The following ESF1 variants were observed in gnomAD, a reference collection of about 807,000 sequenced individuals.
ESF1 encodes the protein ESF1 homolog.
In ESF1, 58 loss-of-function variants were observed where a neutral mutation model predicts 92.0. That is an observed-to-expected ratio of 0.63 (90% confidence interval 0.51 to 0.78). ESF1 has a LOEUF of 0.78. Among genes scored for constraint, ESF1 ranks in the 30% least tolerant of loss-of-function variants. The probability of loss-of-function intolerance (pLI) is 0.00; values close to 1 mark genes in which losing one functional copy is unlikely to be tolerated. For synonymous variants in ESF1, 321 were observed against 313.7 expected (o/e 1.02, Z -0.24); for missense variants, 922 against 989.1 (o/e 0.93, Z 0.91).
chr20:13,769,983 T>C lies in ESF1; in HGVS notation c.1442A>G (p.Lys481Arg). Residue 481 changes from lysine to arginine, a missense_variant, in exon 7 of 14, where the codon AAG becomes AGG. Coordinates refer to ENST00000617257, the MANE Select transcript of ESF1 (RefSeq NM_001276380.2). ...TAAATTCACTTCTGAGGCTACATCCTTAGGCTCATCATCAAAAGTAATATC... is the reference window on the plus strand; with the variant it reads ...TAAATTCACTTCTGAGGCTACATCCCTAGGCTCATCATCAAAAGTAATATC... ...PDDITFDDEP[K>R]DVASEVNLTA... 1 of 1,610,794 alleles carries C rather than the reference T, an allele frequency of 6.2e-7. No homozygotes were observed. The highest frequency in any genetic ancestry group is 1.3e-5 in the African/African-American group (1 of 74,920).
At chr20:13,755,408 G>A (rs915442334) in intron 9 of ESF1, among the ~76,000 whole-genome samples, 4 of 152,028 alleles carry the variant, frequency 2.6e-5, no homozygotes, top group Non-Finnish European at 4.4e-5. Context: ...AGATTAACTG[G>A]ACTATTAATA....
In ESF1 at chr20:13,780,418, T is replaced by C. The variant is rs1009375376; in HGVS notation, c.637+2086A>G. On this transcript the variant is annotated intron_variant, in intron 2 of 13. Transcript: ENST00000617257. ...AACTTTGCTGCCGGTCCCACTCCAA[T>C]CTTATTCTTCAATTTTAGTAACCGG... 3.3e-5 allele frequency among the ~76,000 whole-genome samples: 5 copies of C among 152,310 alleles called. No homozygotes were observed. In the East Asian group the frequency reaches 9.6e-4, roughly 29 times the overall value.
At chr20:13,733,557 A>T (rs2049957207) in intron 10 of ESF1, among the ~76,000 whole-genome samples, 164 bp downstream of exon 10, 2 of 152,192 alleles carry the variant, frequency 1.3e-5, no homozygotes, top group African/African-American at 4.8e-5. Context: ...GCCATGATGA[A>T]AAAACTTTCT....
chr20:13,766,815 G>C lies in ESF1; in HGVS notation c.1628C>G (p.Ser543Cys). ...DMDFQAYLASSSEDEEEIEEE... is the reference protein window; with the variant it reads ...DMDFQAYLASCSEDEEEIEEE... ...TTCTATCTCCTCTTCATCTTCACTA[G>C]AGGAAGCTAAGTAGGCTTGAAAATC... Residue 543 changes from serine (S) to cysteine (C), a missense_variant, in exon 8 of 14, where the codon TCT becomes TGT. By Grantham distance (112) the Ser-to-Cys change is moderately radical. Coordinates refer to ENST00000617257, the MANE Select transcript of ESF1 (RefSeq NM_001276380.2). 2 of 1,613,786 alleles carry C rather than the reference G, an allele frequency of 1.2e-6. No homozygotes were observed. Among genetic ancestry groups the C allele is most frequent in the Non-Finnish European group, 1.7e-6 (2 of 1,179,878 alleles).
At chr20:13,735,206 C>T (rs2147735069) in intron 9 of ESF1, among the ~76,000 whole-genome samples, 2 of 152,174 alleles carry the variant, frequency 1.3e-5, no homozygotes, top group East Asian at 3.9e-4. Context: ...CTTCAACCAA[C>T]AGTTTGAAAC....
In ESF1 at chr20:13,717,361, T is replaced by C. The variant is rs935888557; in HGVS notation, c.2262+7A>G. ...TTTAAGAGGCTATGCCTGGTGTCTA[T>C]GGTTACCTCAAAGTCATCCTCTATT... On this transcript the variant is annotated splice_region_variant and intron_variant, in intron 13 of 13. Coordinates refer to ENST00000617257, the MANE Select transcript of ESF1 (RefSeq NM_001276380.2). 5.0e-6 allele frequency: 8 copies of C among 1,613,626 alleles called. No individual in the cohort carries two copies. The highest frequency in any genetic ancestry group is 2.2e-5 in the South Asian group (2 of 91,036).
At chr20:13,718,413 TA>T (rs1248301603) in intron 12 of ESF1, among the ~76,000 whole-genome samples, 2 of 152,180 alleles carry the variant, frequency 1.3e-5, no homozygotes, top group Non-Finnish European at 2.9e-5. Context: ...ACTCTGGACA[TA>T]GGGGGTCACT....
Position 13,715,174 on chromosome 20 carries a change from ATCC to A in ESF1, c.2263-10_2263-8del. On this transcript the variant is annotated splice_polypyrimidine_tract_variant and splice_region_variant and intron_variant, in intron 13 of 13. Coordinates refer to ENST00000617257, the MANE Select transcript of ESF1 (RefSeq NM_001276380.2). ...GTGCATCGTTAACATTTACCTGCAA[ATCC>A]AAAAAAAAAAAAAATTAATAAATTA... The A allele has an allele frequency of 1.4e-6, 2 of 1,463,278 alleles. No individual in the cohort carries two copies. The highest frequency in any genetic ancestry group is 1.4e-5 in the African/African-American group (1 of 69,980). The allele number at this position is 1,463,278 out of a possible 1,614,324, so 90.6% of individuals were successfully genotyped here.
chr20:13,770,983 T>G (rs1979656963), intron 6 of ESF1, among the ~76,000 whole-genome samples: 2 of 152,202 alleles, frequency 1.3e-5, no homozygotes, highest in African/African-American at 4.8e-5. Flanking sequence ...ACAATCTGTT[T>G]TCAAATTCCT....
At chr20:13,756,519 A>G (rs1266034398) in intron 9 of ESF1, among the ~76,000 whole-genome samples, 3 of 152,214 alleles carry the variant, frequency 2.0e-5, no homozygotes, top group African/African-American at 7.2e-5. Context: ...CAAGACACAA[A>G]AAGTATTCAT....
At chr20:13,748,592 A>ATTTTTTTTTT (rs58809594) in intron 9 of ESF1, among the ~76,000 whole-genome samples, 1 of 95,740 alleles carries the variant, frequency 1.0e-5, no homozygotes, top group Non-Finnish European at 1.8e-5. Flanking sequence ...ATATATATAT[A>ATTTTTTTTTT]TTTTTTTTTT....
intron 5 of ESF1, 43 bp downstream of exon 5, chr20:13,772,472 G>T: frequency 7.2e-7 from 1 of 1,389,812 alleles, no homozygotes; most frequent in Non-Finnish European, 1.0e-6. Flanking sequence ...CTAATGACAT[G>T]AATTTATGAG....
Position 13,782,849 on chromosome 20 carries a change from T to G in ESF1, c.292A>C (p.Lys98Gln). ...TCGATTTCTTTTTTAGTCTGGGTTTTTTTCTTCTTTATTTTCTTTTGACTC... is the reference window on the plus strand; with the variant it reads ...TCGATTTCTTTTTTAGTCTGGGTTTGTTTCTTCTTTATTTTCTTTTGACTC... ...ALSQKKIKKK[K>Q]TQTKKEIDSK... The change falls in exon 2 of 14, where the codon AAA becomes CAA. Residue 98 changes from lysine (K) to glutamine (Q), a missense_variant. Lys to Gln is a moderately conservative substitution (Grantham distance 53). Transcript: ENST00000617257. The G allele has an allele frequency of 6.2e-7, 1 of 1,603,276 alleles. No individual in the cohort carries two copies. The highest frequency in any genetic ancestry group is 1.3e-5 in the African/African-American group (1 of 74,156).
chr20:13,733,783 T>C lies in ESF1; in HGVS notation c.1888A>G (p.Thr630Ala). 1 of 1,613,214 alleles carries C rather than the reference T, an allele frequency of 6.2e-7. No individual in the cohort carries two copies. Among genetic ancestry groups the C allele is most frequent in the Non-Finnish European group, 8.5e-7 (1 of 1,179,858 alleles). Residue 630 changes from threonine (T) to alanine (A), a missense_variant, in exon 10 of 14, where the codon ACC (threonine) becomes GCC (alanine). Thr to Ala is a moderately conservative substitution (Grantham distance 58). Coordinates refer to ENST00000617257, the MANE Select transcript of ESF1 (RefSeq NM_001276380.2). Reference protein sequence around the residue: ...KNKLEGKDKLTPWEQFLEKKK... With the variant: ...KNKLEGKDKLAPWEQFLEKKK... ...TTCTCTAAAAATTGTTCCCAAGGGGTCAGTTTATCCTTTCCTTCCAATTTG... is the reference window on the plus strand; with the variant it reads ...TTCTCTAAAAATTGTTCCCAAGGGGCCAGTTTATCCTTTCCTTCCAATTTG...
chr20:13,784,823 C>T (rs1980597650), intron 1 of ESF1, 57 bp downstream of exon 1: 1 of 567,502 alleles, frequency 1.8e-6, no homozygotes. Flanking sequence ...GCCACACACA[C>T]ACACGCCCTC....
chr20:13,769,787 AG>A, intron 7 of ESF1, 119 bp downstream of exon 7: 2 of 742,476 alleles, frequency 2.7e-6, no homozygotes, highest in Admixed American at 2.7e-5. Context: ...CTCTGTCTCA[AG>A]AAAAAATAAT....
intron 7 of ESF1, among the ~76,000 whole-genome samples, chr20:13,768,901 AAAAAAAAAAAAAG>A (rs1979554567): frequency 6.6e-6 from 1 of 151,002 alleles, no homozygotes; most frequent in Non-Finnish European, 1.5e-5. Context: ...TAGTCTCAAA[AAAAAAAAAAAAAG>A]AAAGAAAGGA....
chr20:13,771,669 T>C (rs1979689109), intron 5 of ESF1, among the ~76,000 whole-genome samples, 186 bp from the exon 6 acceptor site: 2 of 152,156 alleles, frequency 1.3e-5, no homozygotes, highest in Admixed American at 1.3e-4. Context: ...TCTCACAAGG[T>C]ACAGATATTT....
At chr20:13,774,308 G>A (rs895978524) in intron 4 of ESF1, among the ~76,000 whole-genome samples, 3 of 152,096 alleles carry the variant, frequency 2.0e-5, no homozygotes, top group Non-Finnish European at 2.9e-5. Flanking sequence ...GACTGTCAAC[G>A]TGAGGTTCAA....
Sources: gnomAD v4.1 joint callset for allele counts (sites outside exome capture counted in the v4.1 genomes callset) on GRCh38, gnomAD v4.1.1 for gene constraint, MANE v1.5 for transcripts, NCBI Gene and HGNC (gene_info 2026-07-23, HGNC 2026-07-21) for gene names.